Variants in PDE1C observed in about 807,000 individuals in gnomAD.
The protein encoded by PDE1C is phosphodiesterase 1C.
A neutral mutation model predicts 93.1 loss-of-function variants in PDE1C; 62 were observed. The ratio of observed to expected loss-of-function variants is 0.67; its 90% CI spans 0.54 to 0.82. PDE1C has a LOEUF of 0.82. PDE1C is among the 40% of genes least tolerant of loss of function. The pLI, the probability that PDE1C is intolerant of heterozygous loss-of-function variation, is 0.00. For missense variants in PDE1C, 742 were observed against 884.6 expected (o/e 0.84, Z 2.04); for synonymous variants, 325 against 310.1 (o/e 1.05, Z -0.50).
At chr7:32,209,707 G>T (rs1327606303) in intron 1 of PDE1C, among the ~76,000 whole-genome samples, 1 of 152,180 alleles carries the variant, frequency 6.6e-6, no homozygotes, top group African/African-American at 2.4e-5. Flanking sequence ...TTCCAAGGCT[G>T]CCCTCAACAC....
intron 3 of PDE1C, among the ~76,000 whole-genome samples, chr7:32,092,164 T>TGAGAGA (rs3078655): frequency 3.6e-4 from 53 of 149,028 alleles, no homozygotes; most frequent in African/African-American, 8.4e-4. Context: ...CTTTTGTTCA[T>TGAGAGA]GAGAGAGAGA....
At chr7:31,968,647 G>A (rs935377690) in intron 2 of PDE1C, among the ~76,000 whole-genome samples, 11 of 152,228 alleles carry the variant, frequency 7.2e-5, no homozygotes, top group South Asian at 4.2e-4. Context: ...AGCCCGCATC[G>A]CCAGGTCAAT....
At chr7:32,054,282 T>C (rs1191579804) in intron 1 of PDE1C, among the ~76,000 whole-genome samples, 8 of 152,162 alleles carry the variant, frequency 5.3e-5, no homozygotes, top group Non-Finnish European at 8.8e-5. Flanking sequence ...TGGAGTGTGA[T>C]AGACCTGGCT....
chr7:32,409,181 A>AT, intron 1 of PDE1C, among the ~76,000 whole-genome samples: 2 of 152,000 alleles, frequency 1.3e-5, no homozygotes, highest in East Asian at 3.9e-4. Context: ...ACATGGTGAA[A>AT]CCTCATCTCT....
intron 1 of PDE1C, among the ~76,000 whole-genome samples, chr7:32,354,938 A>G (rs554082294): frequency 6.6e-6 from 1 of 152,336 alleles, no homozygotes; most frequent in South Asian, 2.1e-4. Context: ...TGCAAAGGCA[A>G]TTCTGATTTC....
At chr7:31,808,898 A>T (rs1245707260) in intron 16 of PDE1C, 133 bp downstream of exon 16, 1 of 568,158 alleles carries the variant, frequency 1.8e-6, no homozygotes, top group Non-Finnish European at 3.2e-6. Flanking sequence ...GTACCCTTTA[A>T]ATATAGTGAA....
the PDE1C span, among the ~76,000 whole-genome samples, chr7:31,705,127 C>G: frequency 1.3e-5 from 2 of 152,186 alleles, no homozygotes; most frequent in African/African-American, 4.8e-5. Flanking sequence ...CTCTTGTGGA[C>G]AGCCCAGCCT....
At chr7:32,050,564 CTATGTG>C (rs1793207459) in intron 2 of PDE1C, among the ~76,000 whole-genome samples, 2 of 151,290 alleles carry the variant, frequency 1.3e-5, no homozygotes, top group South Asian at 4.2e-4. Context: ...AATGATTTCA[CTATGTG>C]TATGTATATA....
intron 2 of PDE1C, among the ~76,000 whole-genome samples, chr7:31,968,884 G>A (rs886099560): frequency 6.6e-6 from 1 of 152,084 alleles, no homozygotes; most frequent in Non-Finnish European, 1.5e-5. Context: ...ATGGGGAAAG[G>A]ATTCCCTATT....
chr7:32,381,831 C>T (rs879411490), intron 1 of PDE1C, among the ~76,000 whole-genome samples: 5 of 152,122 alleles, frequency 3.3e-5, no homozygotes, highest in Admixed American at 3.3e-4. Context: ...ACCACTACCC[C>T]GCACTGGGAT....
chr7:31,975,219 G>A (rs1811498642), intron 2 of PDE1C, among the ~76,000 whole-genome samples: 2 of 152,186 alleles, frequency 1.3e-5, no homozygotes, highest in Admixed American at 6.6e-5. Flanking sequence ...CAAATGGGGG[G>A]TTCAAGACAC....
At chr7:31,846,676 A>G (rs1422365815) in intron 9 of PDE1C, among the ~76,000 whole-genome samples, 2 of 152,160 alleles carry the variant, frequency 1.3e-5, no homozygotes, top group African/African-American at 4.8e-5. Context: ...AGAAACTATC[A>G]TCAGAGTGAA....
intron 2 of PDE1C, among the ~76,000 whole-genome samples, chr7:31,936,959 C>G (rs889418405): frequency 1.3e-5 from 2 of 152,122 alleles, no homozygotes; most frequent in Admixed American, 6.6e-5. Flanking sequence ...CGTCAACACA[C>G]GTAAGCTATC....
At position 31,809,075 on chromosome 7, in the gene PDE1C, T is replaced by G. The variant is rs970311220; in HGVS notation, c.1847A>C (p.Lys616Thr). ...ATTTCCGATGTTAGAGTGATCCTTC[T>G]TGTCTGTCTTATTTTTACCATCTTT... is the stretch of plus-strand genomic sequence containing the variant. ...DFKDGKNKTD[K>T]KDHSNIGNDS... is the part of the protein sequence containing the mutation. The change falls in exon 16 of 18, where the codon AAG (lysine) becomes ACG (threonine). Residue 616 changes from lysine (K) to threonine (T), a missense_variant. By Grantham distance (78) the Lys-to-Thr change is moderately conservative. Coordinates refer to ENST00000396191, the MANE Select transcript of PDE1C (RefSeq NM_001191057.4). 1.3e-6 allele frequency: 2 copies of G among 1,595,340 alleles called. No homozygotes were observed. The highest frequency in any genetic ancestry group is 2.7e-5 in the African/African-American group (2 of 74,596).
chr7:32,053,041 T>C (rs1161123899), intron 1 of PDE1C, among the ~76,000 whole-genome samples: 1 of 152,164 alleles, frequency 6.6e-6, no homozygotes, highest in African/African-American at 2.4e-5. Flanking sequence ...TTATATCACA[T>C]ATAATAGGGA....
At chr7:32,104,676 A>G (rs1431337911) in intron 3 of PDE1C, among the ~76,000 whole-genome samples, 1 of 152,186 alleles carries the variant, frequency 6.6e-6, no homozygotes, top group African/African-American at 2.4e-5. Context: ...CTGGTGGTCT[A>G]AGGAAACTGA....
chr7:32,146,158 C>A (rs565857514), intron 3 of PDE1C, among the ~76,000 whole-genome samples: 28 of 152,264 alleles, frequency 1.8e-4, no homozygotes, highest in African/African-American at 5.1e-4. Flanking sequence ...AGTGCCCTGT[C>A]ATGGTGCCTG....
Position 31,774,302 on chromosome 7 carries a change from GT to G in PDE1C, c.1960+1361del, listed in dbSNP as rs138211852. 2.6e-4 allele frequency among the ~76,000 whole-genome samples: 40 copies of G among 152,030 alleles called. 1 individual carries two copies. In the South Asian group the frequency reaches 6.2e-3, roughly 24 times the overall value. On this transcript the variant is annotated intron_variant, in intron 17 of 17. Transcript: ENST00000396191. Reference sequence around the variant, plus strand: ...AAGGTGAATTAACACTAAAAAAACTGTTTTTTTAATAGAAAGATACATTCAA... The same window carrying G: ...AAGGTGAATTAACACTAAAAAAACTGTTTTTTAATAGAAAGATACATTCAA...
Position 32,203,550 on chromosome 7 carries a change from G to A in PDE1C, c.136+5939C>T, listed in dbSNP as rs374205036. Among the ~76,000 whole-genome samples, 4 of 152,030 alleles carry A rather than the reference G, an allele frequency of 2.6e-5. No homozygotes were observed. The East Asian group carries it at 7.7e-4, about 29-fold the overall frequency. On this transcript the variant is annotated intron_variant, in intron 2 of 18. Coordinates refer to the PDE1C transcript ENST00000396193. ...TGCTTCACTCCCCCATCCACCCTAA[G>A]TACTCCAGCTCTTTCACAGGAAAAT...
Sources: gnomAD v4.1 joint callset for allele counts (sites outside exome capture counted in the v4.1 genomes callset) on GRCh38, gnomAD v4.1.1 for gene constraint, MANE v1.5 for transcripts, NCBI Gene and HGNC (gene_info 2026-07-23, HGNC 2026-07-21) for gene names.